The following ROCK1 variants were observed in gnomAD, a reference collection of about 807,000 sequenced individuals.
The protein encoded by ROCK1 is Rho associated coiled-coil containing protein kinase 1.
Under a neutral mutation model 196.8 loss-of-function variants are expected in ROCK1, and 36 were observed. That is an observed-to-expected ratio of 0.18 (90% confidence interval 0.14 to 0.24). The LOEUF (loss-of-function observed/expected upper bound fraction) is 0.24. ROCK1 is among the 10% of genes least tolerant of loss of function. ROCK1 has a pLI of 1.00. For missense variants in ROCK1, 920 were observed against 1,562.0 expected (o/e 0.59, Z 6.93); for synonymous variants, 443 against 515.9 (o/e 0.86, Z 1.91).
chr18:21,020,127 G>A, intron 12 of ROCK1, 24 bp downstream of exon 12: 3 of 1,458,322 alleles, frequency 2.1e-6, no homozygotes, highest in Non-Finnish European at 2.8e-6. Flanking sequence ...CTTTTAATAT[G>A]AAAAACTTAA....
intron 14 of ROCK1, 72 bp downstream of exon 14, chr18:21,007,987 G>T (rs2035782550): frequency 1.2e-5 from 14 of 1,190,642 alleles, no homozygotes; most frequent in Non-Finnish European, 1.5e-5. Flanking sequence ...ATGTATCATG[G>T]ACACTAAATT....
At chr18:20,957,256 C>A (rs2035251587) in intron 29 of ROCK1, among the ~76,000 whole-genome samples, 1 of 152,226 alleles carries the variant, frequency 6.6e-6, no homozygotes, top group Non-Finnish European at 1.5e-5. Context: ...ACCCAAATGT[C>A]AATCAACACA....
At chr18:21,047,437 A>T (rs1224979417) in intron 4 of ROCK1, among the ~76,000 whole-genome samples, 2 of 152,206 alleles carry the variant, frequency 1.3e-5, no homozygotes, top group Non-Finnish European at 2.9e-5. Context: ...AAATGTCAAT[A>T]GTATTAAGCC....
At chr18:21,025,793 C>G (rs995246783) in intron 10 of ROCK1, among the ~76,000 whole-genome samples, 1 of 152,038 alleles carries the variant, frequency 6.6e-6, no homozygotes, top group Non-Finnish European at 1.5e-5. Flanking sequence ...CGTACCTTTG[C>G]CTGTTCAGGT....
In ROCK1 at chr18:21,008,099, A is replaced by G. The variant is rs764617830; in HGVS notation, c.1506T>C (p.Ala502=). The part of the protein sequence containing the change: ...QHRINEYQRK[A]EQENEKRRNV... ...TTCTTCTCTTCTCATTTTCCTGTTC[A>G]GCTTTTCTTTGGTACTCATTAATTC... The change falls in exon 14 of 33, where the codon GCT becomes GCC. Residue 502 remains alanine (A), a synonymous_variant. Transcript: ENST00000399799. The G allele has an allele frequency of 5.6e-6, 9 of 1,605,872 alleles. No homozygotes were observed. In the South Asian group the frequency reaches 1.0e-4, roughly 18 times the overall value.
chr18:20,977,338 T>C (rs2035490031), intron 22 of ROCK1, among the ~76,000 whole-genome samples: 2 of 152,224 alleles, frequency 1.3e-5, no homozygotes, highest in African/African-American at 4.8e-5. Flanking sequence ...CTGACTCAGT[T>C]TTCTCTCTCC....
chr18:21,033,152 A>G (rs288990), intron 9 of ROCK1, among the ~76,000 whole-genome samples: 152,215 of 152,220 alleles, frequency 1, 76,105 homozygotes, highest in Middle Eastern at 1. Context: ...AGCTAAGATC[A>G]TGGCACTGCA....
intron 2 of ROCK1, among the ~76,000 whole-genome samples, chr18:21,065,289 ACC>A (rs2036324556): frequency 6.6e-6 from 1 of 152,200 alleles, no homozygotes; most frequent in South Asian, 2.1e-4. Context: ...TTTTATCACT[ACC>A]ATAGCTATTA....
At position 21,098,768 on chromosome 18, in the gene ROCK1, A is replaced by T. The variant is rs74395497; in HGVS notation, c.93+12050T>A. ...ATATGGACGGGCAGATCACAGAAGG[A>T]ATTCAAATAGCCCTTAAAATATGAA... is the stretch of plus-strand genomic sequence containing the variant. On this transcript the variant is annotated intron_variant, in intron 1 of 32. Coordinates refer to ENST00000399799, the MANE Select transcript of ROCK1 (RefSeq NM_005406.3). Among the ~76,000 whole-genome samples, 41 of 152,336 alleles carry T rather than the reference A, an allele frequency of 2.7e-4. 2 individuals carry two copies. In the East Asian group the frequency reaches 7.9e-3, roughly 29 times the overall value.
At position 21,078,373 on chromosome 18, in the gene ROCK1, C is replaced by CACACACACAG. The variant is rs1491188980; in HGVS notation, c.94-7761_94-7760insCTGTGTGTGT. Among the ~76,000 whole-genome samples, 256 of 66,210 alleles carry CACACACACAG rather than the reference C, an allele frequency of 3.9e-3. 1 individual carries two copies. Among genetic ancestry groups the CACACACACAG allele is most frequent in the Middle Eastern group, 0.014 (2 of 148 alleles). 43.4% of individuals were successfully genotyped at this position (66,210 alleles called of 152,430 possible). ...ACACACACACACACACACACACACA[C>CACACACACAG]AGAGAGAGAGAGAGAGAGAGAGAGA... is the stretch of plus-strand genomic sequence containing the variant. On this transcript the variant is annotated intron_variant, in intron 1 of 32. Transcript: ENST00000399799.
At chr18:21,065,493 T>C (rs2036326426) in intron 2 of ROCK1, among the ~76,000 whole-genome samples, 1 of 152,174 alleles carries the variant, frequency 6.6e-6, no homozygotes, top group Admixed American at 6.6e-5. Flanking sequence ...AACATGTTTT[T>C]CTATTAACAT....
chr18:21,006,636 A>G, intron 15 of ROCK1, 39 bp from the exon 16 acceptor site: 1 of 1,597,786 alleles, frequency 6.3e-7, no homozygotes, highest in Non-Finnish European at 8.5e-7. Flanking sequence ...TTTCTGACCA[A>G]AGTACGATAT....
intron 1 of ROCK1, among the ~76,000 whole-genome samples, chr18:21,104,577 G>A (rs2036687730): frequency 6.6e-6 from 1 of 151,462 alleles, no homozygotes; most frequent in African/African-American, 2.4e-5. Flanking sequence ...GGACTGGGCG[G>A]AAAAAAAACA....
chr18:21,083,468 G>A (rs964936731), intron 1 of ROCK1, among the ~76,000 whole-genome samples: 2 of 152,132 alleles, frequency 1.3e-5, no homozygotes, highest in Non-Finnish European at 2.9e-5. Flanking sequence ...CTGGCATAAG[G>A]ACAAGCACAT....
At chr18:21,087,335 G>A (rs2036536184) in intron 1 of ROCK1, among the ~76,000 whole-genome samples, 1 of 152,044 alleles carries the variant, frequency 6.6e-6, no homozygotes, top group Admixed American at 6.6e-5. Flanking sequence ...CATAACAATA[G>A]TTATATGAAA....
At position 20,950,114 on chromosome 18, in the gene ROCK1, G is replaced by T. The variant is rs2035170660; in HGVS notation, c.*1270C>A. The T allele has an allele frequency of 6.6e-6, 1 of 152,600 alleles. No individual in the cohort carries two copies. The highest frequency in any genetic ancestry group is 6.5e-5 in the Admixed American group (1 of 15,278). 9.5% of individuals were successfully genotyped at this position (152,600 alleles called of 1,614,324 possible). On this transcript the variant is annotated 3_prime_UTR_variant, in exon 33 of 33. Coordinates refer to ENST00000399799, the MANE Select transcript of ROCK1 (RefSeq NM_005406.3). Reference sequence around the variant, plus strand: ...AAAAAAATAAACAATAAATCATACTGTCCATATGAATCAACTCTTGTTACT... The same window carrying T: ...AAAAAAATAAACAATAAATCATACTTTCCATATGAATCAACTCTTGTTACT...
At chr18:21,001,398 A>G (rs2035722714) in intron 16 of ROCK1, among the ~76,000 whole-genome samples, 1 of 152,214 alleles carries the variant, frequency 6.6e-6, no homozygotes, top group African/African-American at 2.4e-5. Context: ...TGAATTGTAT[A>G]TTTTTAAATG....
chr18:21,086,025 A>G (rs2036523701), intron 1 of ROCK1, among the ~76,000 whole-genome samples: 1 of 152,138 alleles, frequency 6.6e-6, no homozygotes, highest in Non-Finnish European at 1.5e-5. Flanking sequence ...CATTTCTCAA[A>G]CGATTCTTTT....
At chr18:21,037,977 G>A (rs2036071696) in intron 9 of ROCK1, among the ~76,000 whole-genome samples, 1 of 152,056 alleles carries the variant, frequency 6.6e-6, no homozygotes, top group African/African-American at 2.4e-5. Flanking sequence ...GATTTATTGT[G>A]TGGTTATTCT....
Sources: gnomAD v4.1 joint callset for allele counts (sites outside exome capture counted in the v4.1 genomes callset) on GRCh38, gnomAD v4.1.1 for gene constraint, MANE v1.5 for transcripts, NCBI Gene and HGNC (gene_info 2026-07-23, HGNC 2026-07-21) for gene names.